The following FHIT variants were observed in gnomAD, a reference collection of about 807,000 sequenced individuals.
FHIT encodes the protein bis(5'-adenosyl)-triphosphatase.
A neutral mutation model predicts 17.9 loss-of-function variants in FHIT; 19 were observed. That is an observed-to-expected ratio of 1.06 (90% CI 0.74 to 1.56). The LOEUF (loss-of-function observed/expected upper bound fraction) is 1.56, where lower values mean the gene tolerates loss of function less well. FHIT is among the 40% of genes most tolerant of loss of function. The probability of loss-of-function intolerance (pLI) is 0.00; values close to 1 mark genes in which losing one functional copy is unlikely to be tolerated. For synonymous variants in FHIT, 81 were observed against 69.7 expected, an observed-to-expected ratio of 1.16 and a Z score of -0.81; for missense variants, 248 against 189.2, an observed-to-expected ratio of 1.31 and a Z score of -1.82.
At chr3:60,185,955 A>C (rs1353913922) in intron 5 of FHIT, among the ~76,000 whole-genome samples, 1 of 152,128 alleles carries the variant, frequency 6.6e-6, no homozygotes, top group African/African-American at 2.4e-5. Flanking sequence ...ATCTTTAGTG[A>C]GCTATGTATT....
intron 2 of FHIT, among the ~76,000 whole-genome samples, chr3:61,127,052 A>G (rs2036627646): frequency 6.6e-6 from 1 of 152,238 alleles, no homozygotes. Context: ...GTAAGCCACC[A>G]TCATAGTTGC....
intron 5 of FHIT, among the ~76,000 whole-genome samples, chr3:60,463,958 G>T (rs888655816): frequency 6.6e-6 from 1 of 152,206 alleles, no homozygotes; most frequent in Non-Finnish European, 1.5e-5. Context: ...ATTCTAGCAA[G>T]TGTGTGGCAA....
chr3:60,341,818 C>A (rs1710529578), intron 5 of FHIT, among the ~76,000 whole-genome samples: 1 of 151,966 alleles, frequency 6.6e-6, no homozygotes, highest in South Asian at 2.1e-4. Flanking sequence ...GTAAGGCTAC[C>A]AGGGAAATAT....
intron 7 of FHIT, among the ~76,000 whole-genome samples, chr3:59,939,606 C>T (rs1265766105): frequency 2.0e-5 from 3 of 152,164 alleles, no homozygotes; most frequent in African/African-American, 7.2e-5. Context: ...TAAGTGTGTA[C>T]TTGACATGTG....
chr3:60,111,911 C>T (rs543152612), intron 5 of FHIT, among the ~76,000 whole-genome samples: 1 of 152,320 alleles, frequency 6.6e-6, no homozygotes, highest in African/African-American at 2.4e-5. Flanking sequence ...AACACCGTTC[C>T]TTAAGGGCTT....
intron 5 of FHIT, among the ~76,000 whole-genome samples, chr3:60,368,380 G>T (rs1219785608): frequency 6.6e-6 from 1 of 151,816 alleles, no homozygotes; most frequent in Non-Finnish European, 1.5e-5. Context: ...GCACTTTCAT[G>T]ATAAATAATG....
At chr3:61,022,743 C>A (rs1035308247) in intron 3 of FHIT, among the ~76,000 whole-genome samples, 2 of 152,138 alleles carry the variant, frequency 1.3e-5, no homozygotes, top group African/African-American at 4.8e-5. Flanking sequence ...ATGACAAAAA[C>A]CACATGATTA....
chr3:61,116,813 T>C (rs2036312616), intron 2 of FHIT, among the ~76,000 whole-genome samples: 1 of 152,184 alleles, frequency 6.6e-6, no homozygotes, highest in South Asian at 2.1e-4. Context: ...TGATGGCTTA[T>C]ATTTGGTGAT....
At chr3:60,674,845 A>G (rs2040586300) in intron 4 of FHIT, among the ~76,000 whole-genome samples, 1 of 152,050 alleles carries the variant, frequency 6.6e-6, no homozygotes, top group African/African-American at 2.4e-5. Context: ...TACATAGTCA[A>G]TCCTTCAGAC....
intron 4 of FHIT, among the ~76,000 whole-genome samples, chr3:60,712,700 A>T (rs1177002696): frequency 1.3e-5 from 2 of 151,036 alleles, no homozygotes; most frequent in African/African-American, 4.9e-5. Context: ...ATAATGGTAA[A>T]GGGATCAATT....
chr3:59,772,066 C>A (rs909153197), intron 8 of FHIT, among the ~76,000 whole-genome samples: 5 of 152,214 alleles, frequency 3.3e-5, no homozygotes, highest in African/African-American at 1.2e-4. Flanking sequence ...TTGACCAGGA[C>A]AGTCCCCCTC....
At chr3:59,750,345 T>A (rs945912242) in intron 9 of FHIT, 1 of 225,034 alleles carries the variant, frequency 4.4e-6, no homozygotes, top group African/African-American at 2.2e-5. Context: ...GGAGAAAAAA[T>A]TCAACCTAGG....
chr3:59,810,341 TC>T (rs1031989296), intron 8 of FHIT, among the ~76,000 whole-genome samples: 1 of 152,096 alleles, frequency 6.6e-6, no homozygotes, highest in Non-Finnish European at 1.5e-5. Context: ...GGACAGTATT[TC>T]CAGACTTTGG....
chr3:61,070,676 C>G (rs1288484929), intron 2 of FHIT, among the ~76,000 whole-genome samples: 4 of 152,172 alleles, frequency 2.6e-5, no homozygotes, highest in Non-Finnish European at 5.9e-5. Flanking sequence ...ATTGCCCCTT[C>G]CCAGGACACC....
intron 3 of FHIT, among the ~76,000 whole-genome samples, chr3:60,869,815 C>A (rs1431657907): frequency 6.6e-6 from 1 of 152,112 alleles, no homozygotes; most frequent in African/African-American, 2.4e-5. Flanking sequence ...TCTCATCCAA[C>A]TTCTCCCTTT....
chr3:60,553,104 G>T (rs1283329422), intron 4 of FHIT, among the ~76,000 whole-genome samples: 2 of 152,028 alleles, frequency 1.3e-5, no homozygotes, highest in South Asian at 4.2e-4. Context: ...GCAATGAATG[G>T]GTAAATAATT....
At chr3:60,818,225 C>G (rs1553738246) in intron 4 of FHIT, among the ~76,000 whole-genome samples, 1 of 152,122 alleles carries the variant, frequency 6.6e-6, no homozygotes, top group Non-Finnish European at 1.5e-5. Context: ...TTTGGCTCAT[C>G]TTGGAATTGG....
chr3:60,018,295 A>C (rs1001347291), intron 5 of FHIT, among the ~76,000 whole-genome samples: 11 of 152,200 alleles, frequency 7.2e-5, no homozygotes, highest in African/African-American at 1.2e-4. Flanking sequence ...GATGACATCA[A>C]GTGATTCATG....
chr3:61,015,510 A>C (rs1479724126), intron 3 of FHIT, among the ~76,000 whole-genome samples: 1 of 152,208 alleles, frequency 6.6e-6, no homozygotes, highest in Non-Finnish European at 1.5e-5. Flanking sequence ...GGAACCAAGA[A>C]GTAATTACAT....
Sources: allele counts gnomAD v4.1 joint callset (sites outside exome capture counted in the v4.1 genomes callset), GRCh38; gene constraint gnomAD v4.1.1; transcripts MANE v1.5; gene names NCBI Gene and HGNC (gene_info 2026-07-23, HGNC 2026-07-21).